Variants in RFX7 observed in about 807,000 individuals in gnomAD.
The protein encoded by RFX7 is regulatory factor X7.
Under a neutral mutation model 111.8 loss-of-function variants are expected in RFX7, and 26 were observed. The ratio of observed to expected loss-of-function variants is 0.23; its 90% CI spans 0.17 to 0.32. The LOEUF is 0.32. Among genes scored for constraint, RFX7 ranks in the 10% least tolerant of loss-of-function variants. The pLI is 1.00. For missense variants in RFX7, 1,573 were observed against 1,772.9 expected (o/e 0.89, Z 2.02); for synonymous variants, 624 against 624.4 (o/e 1.00, Z 0.01).
intron 2 of RFX7, among the ~76,000 whole-genome samples, chr15:56,218,157 T>TC (rs1466436582): frequency 2.2e-5 from 3 of 137,296 alleles, no homozygotes; most frequent in Non-Finnish European, 4.7e-5. Flanking sequence ...TTTTTTTTTT[T>TC]TTTTTTTTTT....
rs190906327 is a variant in RFX7 at position 56,212,687 on chromosome 15, A to T, written c.161+30438T>A. 8.3e-3 allele frequency among the ~76,000 whole-genome samples: 1,267 copies of T among 152,244 alleles called. 12 individuals are homozygous for T. Among genetic ancestry groups the T allele is most frequent in the Non-Finnish European group, 0.011 (738 of 67,982 alleles). ...CTCTAAGAAATAAAGTTTATTTTTT[A>T]AAAAAAGTTAATTAAAGAAGACAAG... is the stretch of plus-strand genomic sequence containing the variant. On this transcript the variant is annotated intron_variant, in intron 2 of 9. Coordinates refer to ENST00000559447, the MANE Select transcript of RFX7 (RefSeq NM_022841.7).
chr15:56,214,714 C>CAAAA (rs527416979), intron 2 of RFX7, among the ~76,000 whole-genome samples: 14,396 of 86,306 alleles, frequency 0.17, 918 homozygotes, highest in East Asian at 0.48. Flanking sequence ...GACTCTGTCT[C>CAAAA]AAAAAAAAAA....
At chr15:56,218,467 A>T (rs1436030904) in intron 2 of RFX7, among the ~76,000 whole-genome samples, 1 of 152,178 alleles carries the variant, frequency 6.6e-6, no homozygotes, top group African/African-American at 2.4e-5. Context: ...GAATGTATGC[A>T]GTTACATGCA....
intron 2 of RFX7, among the ~76,000 whole-genome samples, chr15:56,209,907 A>G (rs2414464): frequency 0.37 from 56,248 of 151,606 alleles, 10,653 homozygotes; most frequent in East Asian, 0.41. Context: ...AAAGAGAGGA[A>G]GACAAAAATA....
chr15:56,211,758 A>G (rs988621790), intron 2 of RFX7, among the ~76,000 whole-genome samples: 1 of 152,188 alleles, frequency 6.6e-6, no homozygotes, highest in Non-Finnish European at 1.5e-5. Flanking sequence ...ACAGATGGCA[A>G]ATAAGCACAT....
chr15:56,244,926 G>T (rs1205399433), upstream of RFX7, among the ~76,000 whole-genome samples: 1 of 152,146 alleles, frequency 6.6e-6, no homozygotes, highest in Non-Finnish European at 1.5e-5. Flanking sequence ...CAGGGAGGCT[G>T]CGTGGATGTA....
chr15:56,167,754 A>G (rs1379502319), intron 3 of RFX7, among the ~76,000 whole-genome samples: 3 of 152,194 alleles, frequency 2.0e-5, no homozygotes, highest in Admixed American at 2.0e-4. Flanking sequence ...AAAGTACTTT[A>G]TATTTTTTAC....
intron 5 of RFX7, among the ~76,000 whole-genome samples, chr15:56,134,300 TC>T (rs1303094753): frequency 6.6e-6 from 1 of 152,130 alleles, no homozygotes; most frequent in Non-Finnish European, 1.5e-5. Context: ...AATTTTATTA[TC>T]ATTGTCAGAG....
intron 2 of RFX7, among the ~76,000 whole-genome samples, chr15:56,182,185 A>G (rs2042981850): frequency 6.6e-6 from 1 of 152,130 alleles, no homozygotes; most frequent in African/African-American, 2.4e-5. Flanking sequence ...AAATGTAATG[A>G]GCTTGAATCA....
chr15:56,143,879 G>T (rs1393036456), intron 4 of RFX7, among the ~76,000 whole-genome samples: 1 of 152,120 alleles, frequency 6.6e-6, no homozygotes, highest in Non-Finnish European at 1.5e-5. Flanking sequence ...AAATTAGAAT[G>T]ACTGAATGAA....
chr15:56,183,073 T>A (rs1225589031), intron 2 of RFX7, among the ~76,000 whole-genome samples: 6 of 152,090 alleles, frequency 3.9e-5, no homozygotes, highest in East Asian at 1.9e-4. Flanking sequence ...TGTATTTTTT[T>A]AAAAAATTGT....
At chr15:56,205,727 A>G (rs1395061063) in intron 2 of RFX7, among the ~76,000 whole-genome samples, 2 of 152,206 alleles carry the variant, frequency 1.3e-5, no homozygotes, top group Non-Finnish European at 2.9e-5. Flanking sequence ...TATATTAGTG[A>G]AGCATGACTA....
chr15:56,110,261 G>GT (rs2041901256), intron 5 of RFX7, among the ~76,000 whole-genome samples: 1 of 99,010 alleles, frequency 1.0e-5, no homozygotes, highest in African/African-American at 3.6e-5. Context: ...CGTCCGGGAG[G>GT]GAGGTGGGGG....
chr15:56,243,039 C>CGCG, intron 2 of RFX7, 86 bp downstream of exon 2: 6 of 667,442 alleles, frequency 9.0e-6, no homozygotes, highest in South Asian at 1.5e-5. Flanking sequence ...CCTCCTCCTC[C>CGCG]GCTCCCCCCG....
At chr15:56,187,640 G>A (rs2043055652) in intron 2 of RFX7, among the ~76,000 whole-genome samples, 2 of 152,152 alleles carry the variant, frequency 1.3e-5, no homozygotes, top group African/African-American at 4.8e-5. Context: ...TCCCAGAAAG[G>A]AAAGTGCTCC....
intron 2 of RFX7, among the ~76,000 whole-genome samples, chr15:56,179,761 AACACACACACACACACACACACAC>A (rs58597217): frequency 5.4e-4 from 74 of 137,406 alleles, no homozygotes; most frequent in African/African-American, 1.8e-3. Context: ...TCTCTGTCTC[AACACACACACACACACACACACAC>A]ACACACACAC....
At chr15:56,099,630 T>G (rs1390092934) in intron 8 of RFX7, among the ~76,000 whole-genome samples, 3 of 151,804 alleles carry the variant, frequency 2.0e-5, no homozygotes, top group Admixed American at 1.3e-4. Context: ...AGACTATATT[T>G]ATAAAAAAAA....
intron 5 of RFX7, among the ~76,000 whole-genome samples, chr15:56,112,505 C>A (rs1267495385): frequency 6.6e-6 from 1 of 151,418 alleles, no homozygotes; most frequent in African/African-American, 2.4e-5. Context: ...CAAATTTACT[C>A]AAGATGGATT....
At chr15:56,103,310 A>G (rs1027614554) in intron 6 of RFX7, among the ~76,000 whole-genome samples, 4 of 152,176 alleles carry the variant, frequency 2.6e-5, no homozygotes, top group Admixed American at 6.6e-5. Context: ...AACACTTTAC[A>G]TTGATAGACT....
Sources: gnomAD v4.1 joint callset for allele counts (sites outside exome capture counted in the v4.1 genomes callset) on GRCh38, gnomAD v4.1.1 for gene constraint, MANE v1.5 for transcripts, NCBI Gene and HGNC (gene_info 2026-07-23, HGNC 2026-07-21) for gene names.